The following CHSY3 variants were observed in gnomAD, a reference collection of about 807,000 sequenced individuals.
The protein encoded by CHSY3 is N-acetylgalactosaminyl-proteoglycan 3-beta-glucuronosyltransferase 3.
In CHSY3, 35 loss-of-function variants were observed where a neutral mutation model predicts 67.2. The ratio of observed to expected loss-of-function variants is 0.52; its 90% CI spans 0.40 to 0.69. CHSY3 has a LOEUF of 0.69. Ranked by LOEUF, CHSY3 falls within the 30% of genes least tolerant of loss-of-function variation. The pLI, the probability that CHSY3 is intolerant of heterozygous loss-of-function variation, is 0.00. For missense variants in CHSY3, 1,069 were observed against 1,138.5 expected (o/e 0.94, Z 0.88); for synonymous variants, 474 against 434.7 (o/e 1.09, Z -1.12).
At chr5:130,078,500 T>A (rs1358429686) in intron 2 of CHSY3, among the ~76,000 whole-genome samples, 1 of 152,138 alleles carries the variant, frequency 6.6e-6, no homozygotes, top group African/African-American at 2.4e-5. Flanking sequence ...TTTTAAAATA[T>A]TTTAAAGACT....
chr5:130,016,679 G>C (rs895032264), intron 2 of CHSY3, among the ~76,000 whole-genome samples: 2 of 152,214 alleles, frequency 1.3e-5, no homozygotes, highest in African/African-American at 4.8e-5. Flanking sequence ...GAAGTGCTGG[G>C]ATCACAGGCG....
chr5:130,113,690 A>G (rs1489585128), intron 2 of CHSY3, among the ~76,000 whole-genome samples: 1 of 152,154 alleles, frequency 6.6e-6, no homozygotes, highest in African/African-American at 2.4e-5. Context: ...CAGGAGTGGC[A>G]GGAAGACAGG....
At chr5:129,955,476 C>T (rs1762144941) in intron 2 of CHSY3, among the ~76,000 whole-genome samples, 1 of 150,970 alleles carries the variant, frequency 6.6e-6, no homozygotes, top group African/African-American at 2.4e-5. Flanking sequence ...TTCTTCCCTT[C>T]CTTCCTCCTT....
At chr5:129,915,953 T>C (rs1274649494) in intron 2 of CHSY3, among the ~76,000 whole-genome samples, 1 of 152,212 alleles carries the variant, frequency 6.6e-6, no homozygotes, top group East Asian at 1.9e-4. Context: ...ACCACTTTTA[T>C]AAATAGAGTA....
chr5:130,023,166 GA>G (rs1764441614), intron 2 of CHSY3, among the ~76,000 whole-genome samples: 2 of 151,876 alleles, frequency 1.3e-5, no homozygotes, highest in Admixed American at 1.3e-4. Context: ...TTAGAAGTGG[GA>G]AAAATCTATA....
rs186734613 is a variant in CHSY3 at position 129,939,402 on chromosome 5, C to T, written c.1086+31042C>T. 6.6e-5 allele frequency among the ~76,000 whole-genome samples: 10 copies of T among 152,302 alleles called. No homozygotes were observed. In the East Asian group the frequency reaches 1.9e-3, roughly 29 times the overall value. ...GTCATAATGAAGATTAGGCTGTATT[C>T]ACTCTTGTCAAAAGAATTTTTAATA... On this transcript the variant is annotated intron_variant, in intron 2 of 2. Coordinates refer to ENST00000305031, the MANE Select transcript of CHSY3 (RefSeq NM_175856.5).
Position 130,104,920 on chromosome 5 carries a change from T to C in CHSY3, c.1087-79309T>C, listed in dbSNP as rs566014453. On this transcript the variant is annotated intron_variant, in intron 2 of 2. Transcript: ENST00000305031. ...TGGCAACTGCTTTCTGAAAGGAGCC[T>C]GAGACTCTTATTCTCATATCCAAAT... Among the ~76,000 whole-genome samples the C allele has an allele frequency of 1.1e-3, 174 of 151,898 alleles. 1 individual carries two copies. Among genetic ancestry groups the C allele is most frequent in the African/African-American group, 3.4e-3 (143 of 41,522 alleles).
intron 2 of CHSY3, among the ~76,000 whole-genome samples, chr5:130,109,989 A>G (rs984290248): frequency 2.6e-5 from 4 of 151,900 alleles, no homozygotes; most frequent in African/African-American, 9.7e-5. Context: ...AGGAAAAACT[A>G]TGGCTTATAA....
At chr5:129,976,943 A>G (rs952555983) in intron 2 of CHSY3, among the ~76,000 whole-genome samples, 4 of 150,722 alleles carry the variant, frequency 2.7e-5, no homozygotes, top group African/African-American at 9.7e-5. Context: ...TGATATTACT[A>G]TGTATAAGAT....
At chr5:129,972,947 C>CTTTA (rs376410396) in intron 2 of CHSY3, among the ~76,000 whole-genome samples, 188 of 152,058 alleles carry the variant, frequency 1.2e-3, no homozygotes, top group African/African-American at 3.7e-3. Flanking sequence ...CTTACTTGAT[C>CTTTA]TTTAGCCCAC....
chr5:129,918,960 A>G, intron 2 of CHSY3, among the ~76,000 whole-genome samples: 3 of 140,422 alleles, frequency 2.1e-5, no homozygotes, highest in African/African-American at 5.4e-5. Context: ...ACAAAAAATT[A>G]GCCGGGCGCG....
At chr5:130,104,075 C>A (rs2149700221) in intron 2 of CHSY3, among the ~76,000 whole-genome samples, 1 of 151,812 alleles carries the variant, frequency 6.6e-6, no homozygotes, top group Non-Finnish European at 1.5e-5. Flanking sequence ...TTTATGTTAC[C>A]TTTAGTTTAG....
chr5:129,962,151 T>C (rs1433146466), intron 2 of CHSY3, among the ~76,000 whole-genome samples: 1 of 151,978 alleles, frequency 6.6e-6, no homozygotes, highest in Non-Finnish European at 1.5e-5. Flanking sequence ...CTATTGCATC[T>C]CAAAAGAATC....
At chr5:130,003,661 G>A (rs1381235482) in intron 2 of CHSY3, among the ~76,000 whole-genome samples, 3 of 152,056 alleles carry the variant, frequency 2.0e-5, no homozygotes, top group Non-Finnish European at 4.4e-5. Context: ...TAAGAAAGCA[G>A]AACAGAAAAA....
intron 2 of CHSY3, among the ~76,000 whole-genome samples, chr5:130,004,861 G>A (rs2149641964): frequency 6.6e-6 from 1 of 152,044 alleles, no homozygotes; most frequent in African/African-American, 2.4e-5. Context: ...CACCAAATAT[G>A]ATTATAATCT....
At chr5:130,035,886 GTTTTTTTTTTTT>G (rs1180462327) in intron 2 of CHSY3, among the ~76,000 whole-genome samples, 11 of 65,558 alleles carry the variant, frequency 1.7e-4, no homozygotes, top group African/African-American at 6.6e-4. Flanking sequence ...TCATTTGGTT[GTTTTTTTTTTTT>G]TTTTTTTTTT....
intron 2 of CHSY3, among the ~76,000 whole-genome samples, chr5:130,046,487 A>T (rs1397723234): frequency 6.6e-6 from 1 of 152,138 alleles, no homozygotes; most frequent in African/African-American, 2.4e-5. Context: ...TCTTGTGATT[A>T]TCTCAAATAT....
intron 2 of CHSY3, among the ~76,000 whole-genome samples, chr5:130,063,163 A>G (rs1394791112): frequency 6.6e-6 from 1 of 152,048 alleles, no homozygotes; most frequent in African/African-American, 2.4e-5. Flanking sequence ...TATTGTATGC[A>G]TGTAATCTAA....
At chr5:130,142,893 G>A (rs898989760) in intron 2 of CHSY3, among the ~76,000 whole-genome samples, 9 of 152,282 alleles carry the variant, frequency 5.9e-5, no homozygotes, top group Admixed American at 3.3e-4. Flanking sequence ...TCAGAACACA[G>A]GAGATGGTGG....
Sources: allele counts gnomAD v4.1 joint callset (sites outside exome capture counted in the v4.1 genomes callset), GRCh38; gene constraint gnomAD v4.1.1; transcripts MANE v1.5; gene names NCBI Gene and HGNC (gene_info 2026-07-23, HGNC 2026-07-21).